The following TRAPPC9 variants were observed in gnomAD, a reference collection of about 807,000 sequenced individuals.
The protein encoded by TRAPPC9 is IKK2 binding protein.
In TRAPPC9, 83 loss-of-function variants were observed where a neutral mutation model predicts 124.0. The observed-to-expected ratio is 0.67, with a 90% CI of 0.56 to 0.80. The LOEUF is 0.80. TRAPPC9 is among the 30% of genes least tolerant of loss of function. TRAPPC9 has a pLI of 0.00. For synonymous variants in TRAPPC9, 638 were observed against 617.5 expected (o/e 1.03, Z -0.49); for missense variants, 1,302 against 1,508.3 (o/e 0.86, Z 2.27).
At chr8:140,417,882 T>C (rs1037104558) in intron 5 of TRAPPC9, among the ~76,000 whole-genome samples, 87 of 152,094 alleles carry the variant, frequency 5.7e-4, no homozygotes, top group Non-Finnish European at 6.8e-4. Flanking sequence ...TATGCAGCCA[T>C]AAAAAAGGAT....
At chr8:140,309,575 T>C (rs1233624050) in intron 10 of TRAPPC9, among the ~76,000 whole-genome samples, 6 of 152,388 alleles carry the variant, frequency 3.9e-5, no homozygotes, top group South Asian at 4.1e-4. Context: ...GTAAGCTTCA[T>C]AACATTCTAC....
intron 19 of TRAPPC9, among the ~76,000 whole-genome samples, chr8:139,967,931 G>A (rs1207232959): frequency 6.6e-6 from 1 of 152,098 alleles, no homozygotes; most frequent in Non-Finnish European, 1.5e-5. Flanking sequence ...CTGAGGTCAG[G>A]AGTTCCAGAC....
At chr8:139,945,543 CAAAAAAAAAAAAAAA>C (rs61528944) in intron 19 of TRAPPC9, among the ~76,000 whole-genome samples, 7 of 66,168 alleles carry the variant, frequency 1.1e-4, no homozygotes, top group South Asian at 8.4e-4. Context: ...GCACAATTAG[CAAAAAAAAAAAAAAA>C]AAAAAAAAAA....
intron 21 of TRAPPC9, among the ~76,000 whole-genome samples, chr8:139,751,040 C>T (rs559680963): frequency 3.9e-5 from 6 of 152,268 alleles, no homozygotes; most frequent in African/African-American, 1.4e-4. Flanking sequence ...ATGGGCTGTG[C>T]CAGGGCAAGC....
At chr8:140,406,801 T>C (rs1379059140) in intron 5 of TRAPPC9, among the ~76,000 whole-genome samples, 2 of 152,206 alleles carry the variant, frequency 1.3e-5, no homozygotes, top group African/African-American at 4.8e-5. Flanking sequence ...CTTTGTTTCC[T>C]GCTGATTTTG....
intron 17 of TRAPPC9, among the ~76,000 whole-genome samples, chr8:140,065,460 T>C (rs375538495): frequency 2.6e-5 from 4 of 152,326 alleles, no homozygotes; most frequent in African/African-American, 7.2e-5. Context: ...AGGACTTTCA[T>C]AGCTGGAGGG....
In TRAPPC9 at chr8:139,731,185, A is replaced by G. The variant is rs547928890; in HGVS notation, c.3323T>C (p.Phe1108Ser). 2 of 1,613,536 alleles carry G rather than the reference A, an allele frequency of 1.2e-6. No homozygotes were observed. Among genetic ancestry groups the G allele is most frequent in the East Asian group, 2.2e-5 (1 of 44,828 alleles). Residue 1108 changes from phenylalanine (F) to serine (S), a missense_variant, in exon 23 of 23, where the codon TTC becomes TCC. Physicochemically the swap from Phe to Ser is radical, Grantham distance 155 (BLOSUM62 -2). Transcript: ENST00000438773. ...GAGGAAGAAGTCTCCCGTGTAGAGG[A>G]AGAGGAGGGCCCCGAGGCAGGCCGA... ...GQSACLGALLFLYTGDFFLHI... is the reference protein window; with the variant it reads ...GQSACLGALLSLYTGDFFLHI...
At chr8:139,993,680 T>C (rs1475206545) in intron 18 of TRAPPC9, among the ~76,000 whole-genome samples, 1 of 152,216 alleles carries the variant, frequency 6.6e-6, no homozygotes, top group Non-Finnish European at 1.5e-5. Flanking sequence ...GGTAGAGTTA[T>C]ATGATGGAAA....
intron 19 of TRAPPC9, among the ~76,000 whole-genome samples, chr8:139,978,996 G>A (rs1236321229): frequency 1.3e-5 from 2 of 152,040 alleles, no homozygotes; most frequent in Non-Finnish European, 2.9e-5. Context: ...TGTGGGACTC[G>A]GTGGCCGGGC....
At chr8:140,090,500 G>C (rs1489346441) in intron 17 of TRAPPC9, among the ~76,000 whole-genome samples, 1 of 152,204 alleles carries the variant, frequency 6.6e-6, no homozygotes, top group African/African-American at 2.4e-5. Flanking sequence ...TATTATCTTA[G>C]CTCCACTGGC....
rs528349058 is a variant in TRAPPC9, at chr8:139,791,234, GAC to G, written c.3056-59034_3056-59033del. 2.3e-3 allele frequency among the ~76,000 whole-genome samples: 347 copies of G among 152,226 alleles called. 1 individual carries two copies. The highest frequency in any genetic ancestry group is 3.5e-3 in the Non-Finnish European group (235 of 68,006). ...AGCTTCGGGCAACTGTGGCAGCCCA[GAC>G]ACACTCGCACTCTAACACGCAGACT... On this transcript the variant is annotated intron_variant, in intron 21 of 22. Coordinates refer to ENST00000438773, the MANE Select transcript of TRAPPC9 (RefSeq NM_001160372.4).
chr8:140,149,916 A>G (rs2130820535), intron 17 of TRAPPC9, among the ~76,000 whole-genome samples: 1 of 152,294 alleles, frequency 6.6e-6, no homozygotes, highest in South Asian at 2.1e-4. Flanking sequence ...GGTGTTATGT[A>G]AAACACTATT....
At chr8:140,423,614 C>T (rs1408532938) in intron 5 of TRAPPC9, among the ~76,000 whole-genome samples, 1 of 113,096 alleles carries the variant, frequency 8.8e-6, no homozygotes, top group African/African-American at 3.6e-5. Context: ...ACACACATCA[C>T]ATATATACAC....
At chr8:139,845,981 C>T (rs1390904458) in intron 21 of TRAPPC9, among the ~76,000 whole-genome samples, 1 of 152,186 alleles carries the variant, frequency 6.6e-6, no homozygotes, top group Non-Finnish European at 1.5e-5. Flanking sequence ...ACCAGAGCAC[C>T]AGGGAAGGCT....
At chr8:140,076,989 G>C (rs1843546015) in intron 17 of TRAPPC9, among the ~76,000 whole-genome samples, 1 of 151,800 alleles carries the variant, frequency 6.6e-6, no homozygotes, top group Admixed American at 6.6e-5. Context: ...AACATAGCAA[G>C]ACTCTGTCTC....
intron 21 of TRAPPC9, among the ~76,000 whole-genome samples, chr8:139,884,027 C>T (rs1040461370): frequency 6.6e-6 from 1 of 152,194 alleles, no homozygotes; most frequent in African/African-American, 2.4e-5. Flanking sequence ...ATTTCCCCAT[C>T]TTAGGGCGGC....
At chr8:140,369,070 G>A (rs1361539810) in intron 8 of TRAPPC9, among the ~76,000 whole-genome samples, 1 of 152,168 alleles carries the variant, frequency 6.6e-6, no homozygotes, top group Admixed American at 6.5e-5. Flanking sequence ...CACAGACCGT[G>A]TGGCTCATAA....
In TRAPPC9 at chr8:140,417,751, C is replaced by T. The variant is rs1041210354; in HGVS notation, c.886+8864G>A. Among the ~76,000 whole-genome samples the T allele has an allele frequency of 1.4e-4, 22 of 152,246 alleles. 1 individual carries two copies. Among genetic ancestry groups the T allele is most frequent in the African/African-American group, 3.9e-4 (16 of 41,542 alleles). Reference sequence around the variant, plus strand: ...ATTATAAATCATTCTACTATAAAGACACATGTACATGTATGTTTATTGCAG... The same window carrying T: ...ATTATAAATCATTCTACTATAAAGATACATGTACATGTATGTTTATTGCAG... On this transcript the variant is annotated intron_variant, in intron 5 of 22. Coordinates refer to ENST00000438773, the MANE Select transcript of TRAPPC9 (RefSeq NM_001160372.4).
chr8:140,231,476 CTTTTCTTT>C (rs2063591339), intron 16 of TRAPPC9, among the ~76,000 whole-genome samples: 1 of 128,692 alleles, frequency 7.8e-6, no homozygotes, highest in Non-Finnish European at 1.6e-5. Flanking sequence ...AAATCACTGC[CTTTTCTTT>C]TTTTTTTTTT....
Sources: allele counts gnomAD v4.1 joint callset (sites outside exome capture counted in the v4.1 genomes callset), GRCh38; gene constraint gnomAD v4.1.1; transcripts MANE v1.5; gene names NCBI Gene and HGNC (gene_info 2026-07-23, HGNC 2026-07-21).